AIG1: variants seen among roughly 807,000 people sequenced by gnomAD.
AIG1 encodes the protein androgen induced 1.
A neutral mutation model predicts 31.4 loss-of-function variants in AIG1; 23 were observed. The observed-to-expected ratio is 0.73, with a 90% confidence interval of 0.53 to 1.04. The LOEUF is 1.04. Among genes scored for constraint, AIG1 ranks in the 50% least tolerant of loss-of-function variants. The pLI, the probability that AIG1 is intolerant of heterozygous loss-of-function variation, is 0.00. For synonymous variants in AIG1, 100 were observed against 110.5 expected (o/e 0.90, Z 0.60); for missense variants, 274 against 295.0 (o/e 0.93, Z 0.52).
At position 143,334,883 on chromosome 6, in the gene AIG1, T is replaced by G. The variant is rs556563527; in HGVS notation, c.679+1438T>G. On this transcript the variant is annotated intron_variant, in intron 5 of 5. Transcript: ENST00000357847. The surrounding 1 kb of genome is among the most constrained non-coding windows in gnomAD (Gnocchi z 5.1). ...TATGAGAGGATGACCTGAAAACCAC[T>G]AGAGAGAAATATCCACTCTACATTA... Among the ~76,000 whole-genome samples the G allele has an allele frequency of 1.3e-5, 2 of 152,304 alleles. No homozygotes were observed. Among genetic ancestry groups the G allele is most frequent in the South Asian group, 4.1e-4 (2 of 4,820 alleles).
At chr6:143,062,878 C>G (rs1776377665) in intron 1 of AIG1, among the ~76,000 whole-genome samples, 1 of 152,180 alleles carries the variant, frequency 6.6e-6, no homozygotes, top group African/African-American at 2.4e-5. Context: ...TTACTTAGAG[C>G]TGGCCTATTT....
chr6:143,093,975 A>C (rs1438276843), intron 1 of AIG1: 1 of 152,238 alleles, frequency 6.6e-6, no homozygotes, highest in African/African-American at 2.4e-5. Flanking sequence ...ATAATAATGA[A>C]AAATTTGAAA....
intron 5 of AIG1, chr6:143,335,678 G>C (rs1777427942): frequency 6.6e-6 from 1 of 152,172 alleles, no homozygotes; most frequent in Non-Finnish European, 1.5e-5. Context: ...CCCTTGGCTG[G>C]GCACGGTGGC....
intron 3 of AIG1, among the ~76,000 whole-genome samples, chr6:143,180,644 A>G (rs1788636439): frequency 6.6e-6 from 1 of 152,224 alleles, no homozygotes; most frequent in East Asian, 1.9e-4. Flanking sequence ...TCATGTTTAT[A>G]AAGTGCTTTC....
At chr6:143,087,715 G>C (rs1211171067) in intron 1 of AIG1, among the ~76,000 whole-genome samples, 2 of 152,208 alleles carry the variant, frequency 1.3e-5, no homozygotes, top group African/African-American at 4.8e-5. Context: ...TTGCCCTTAG[G>C]ATAAATTCTT....
At position 143,298,967 on chromosome 6, in the gene AIG1, C is replaced by T. The variant is rs1375887878; in HGVS notation, c.515+14742C>T. Reference sequence around the variant, plus strand: ...AATAGCAGGACACATGGTAGTACTACCAGACCAGATGGGATGTGTTGTGTT... The same window carrying T: ...AATAGCAGGACACATGGTAGTACTATCAGACCAGATGGGATGTGTTGTGTT... On this transcript the variant is annotated intron_variant, in intron 4 of 5. Transcript: ENST00000357847. The surrounding 1 kb of genome is among the most constrained non-coding windows in gnomAD (Gnocchi z 5.1). The T allele has an allele frequency of 6.6e-6, 1 of 152,122 alleles. No individual in the cohort carries two copies. Among genetic ancestry groups the T allele is most frequent in the Non-Finnish European group, 1.5e-5 (1 of 68,028 alleles). 9.4% of individuals were successfully genotyped at this position (152,122 alleles called of 1,614,324 possible). A position where few individuals can be genotyped will look rare whatever the true frequency, so the allele number is the denominator to read the frequency against.
intron 3 of AIG1, among the ~76,000 whole-genome samples, chr6:143,260,477 TATCCATG>T (rs1209272528): frequency 6.6e-6 from 1 of 152,250 alleles, no homozygotes; most frequent in Non-Finnish European, 1.5e-5. Flanking sequence ...GTTTTTCATT[TATCCATG>T]ATAATAGATT....
chr6:143,095,194 G>A (rs991435658), intron 1 of AIG1, among the ~76,000 whole-genome samples: 9 of 152,014 alleles, frequency 5.9e-5, no homozygotes, highest in Admixed American at 6.6e-5. Flanking sequence ...AATAATGAAA[G>A]AGAAACCGTG....
chr6:143,063,527 C>A (rs1776440412), intron 1 of AIG1, among the ~76,000 whole-genome samples: 1 of 152,158 alleles, frequency 6.6e-6, no homozygotes, highest in Non-Finnish European at 1.5e-5. Context: ...GTTAAAACAA[C>A]CAACCTGTCA....
At chr6:143,192,353 C>A (rs1789864020) in intron 3 of AIG1, among the ~76,000 whole-genome samples, 1 of 152,158 alleles carries the variant, frequency 6.6e-6, no homozygotes, top group African/African-American at 2.4e-5. Context: ...GCCTGCAATC[C>A]CAGCACTTTG....
At chr6:143,133,502 T>C (rs572340139) in intron 1 of AIG1, among the ~76,000 whole-genome samples, 1 of 152,124 alleles carries the variant, frequency 6.6e-6, no homozygotes, top group East Asian at 1.9e-4. Flanking sequence ...TCCAATTGAG[T>C]TTGGGCAGGA....
intron 3 of AIG1, among the ~76,000 whole-genome samples, chr6:143,276,579 A>G (rs1796929803): frequency 6.6e-6 from 1 of 152,202 alleles, no homozygotes; most frequent in East Asian, 1.9e-4. Flanking sequence ...GATAGGTAGC[A>G]CCAAACTAAA....
chr6:143,083,556 C>G (rs1346224377), intron 1 of AIG1, among the ~76,000 whole-genome samples: 2 of 152,124 alleles, frequency 1.3e-5, no homozygotes, highest in Non-Finnish European at 2.9e-5. Flanking sequence ...TATAGAGGGA[C>G]AATGGCCTCA....
intron 4 of AIG1, among the ~76,000 whole-genome samples, chr6:143,315,479 G>C (rs1035459331): frequency 1.3e-5 from 2 of 152,024 alleles, no homozygotes; most frequent in African/African-American, 4.8e-5. Flanking sequence ...TAGACACATA[G>C]ACCAATGGAA....
chr6:143,307,639 GGGGGTCA>G (rs1163393418), intron 4 of AIG1, among the ~76,000 whole-genome samples: 1 of 146,138 alleles, frequency 6.8e-6, no homozygotes, highest in Non-Finnish European at 1.6e-5. Context: ...TAGGCTGCTC[GGGGGTCA>G]GGGGTCAGGG....
intron 3 of AIG1, among the ~76,000 whole-genome samples, chr6:143,215,534 G>A (rs1175657501): frequency 6.6e-6 from 1 of 152,190 alleles, no homozygotes; most frequent in Non-Finnish European, 1.5e-5. Flanking sequence ...GAACTATCAA[G>A]AGGACTGTTT....
chr6:143,257,746 G>A (rs17072390), intron 3 of AIG1, among the ~76,000 whole-genome samples: 1,574 of 152,270 alleles, frequency 0.01, 44 homozygotes, highest in East Asian at 0.065. Flanking sequence ...ACCTGTCAGC[G>A]CATCATTGTT....
At chr6:143,098,447 T>C (rs950924120) in intron 1 of AIG1, among the ~76,000 whole-genome samples, 2 of 152,194 alleles carry the variant, frequency 1.3e-5, no homozygotes, top group Admixed American at 1.3e-4. Context: ...TGGTTCCTCT[T>C]CCTCTTCTTA....
chr6:143,083,445 C>T (rs776137025), intron 1 of AIG1, among the ~76,000 whole-genome samples: 16 of 152,154 alleles, frequency 1.1e-4, no homozygotes, highest in Non-Finnish European at 2.1e-4. Context: ...TCAGGATGTA[C>T]AGGGATGCAG....
Sources: gnomAD v4.1 joint callset for allele counts (sites outside exome capture counted in the v4.1 genomes callset) on GRCh38, gnomAD v4.1.1 for gene constraint, Gnocchi (gnomAD v3.1) non-coding constraint, MANE v1.5 for transcripts, NCBI Gene and HGNC (gene_info 2026-07-23, HGNC 2026-07-21) for gene names.